The following CDKN3 variants were observed in gnomAD, a reference collection of about 807,000 sequenced individuals.
CDKN3 encodes cyclin-dependent kinase inhibitor 3.
CDKN3 carries 19 observed loss-of-function variants against 36.1 expected under a neutral mutation model. The observed-to-expected ratio is 0.53, with a 90% CI of 0.37 to 0.77. The LOEUF is 0.77. CDKN3 is among the 30% of genes least tolerant of loss of function. The pLI, the probability that CDKN3 is intolerant of heterozygous loss-of-function variation, is 0.00. For missense variants in CDKN3, 188 were observed against 248.6 expected, an observed-to-expected ratio of 0.76 and a Z score of 1.64; for synonymous variants, 71 against 85.3, an observed-to-expected ratio of 0.83 and a Z score of 0.92.
At chr14:54,397,533 A>G (rs922311718) in intron 1 of CDKN3, among the ~76,000 whole-genome samples, 1 of 152,116 alleles carries the variant, frequency 6.6e-6, no homozygotes, top group African/African-American at 2.4e-5. Context: ...GGGCGACACC[A>G]CCGCTGTCAC....
At chr14:54,413,811 G>C (rs2030439960) in intron 5 of CDKN3, 10 of 1,418,692 alleles carry the variant, frequency 7.0e-6, no homozygotes, top group Middle Eastern at 4.1e-4. Flanking sequence ...GAACAACACT[G>C]CTTGCCTACT....
At chr14:54,413,512 G>T in intron 5 of CDKN3, 1 of 882,838 alleles carries the variant, frequency 1.1e-6, no homozygotes, top group South Asian at 1.4e-5. Flanking sequence ...AGTACAAACA[G>T]GATAGACAGT....
At chr14:54,399,388 T>C (rs1186036591) in intron 1 of CDKN3, among the ~76,000 whole-genome samples, 3 of 152,226 alleles carry the variant, frequency 2.0e-5, no homozygotes, top group Non-Finnish European at 4.4e-5. Flanking sequence ...TCTTCTCTGT[T>C]CCACAGTGTA....
At chr14:54,403,147 G>A (rs2030025335) in intron 3 of CDKN3, among the ~76,000 whole-genome samples, 1 of 152,136 alleles carries the variant, frequency 6.6e-6, no homozygotes, top group Non-Finnish European at 1.5e-5. Flanking sequence ...GGGCAGTATG[G>A]CCATTTTCAT....
At chr14:54,417,415 G>A (rs1394355719) in intron 6 of CDKN3, among the ~76,000 whole-genome samples, 2 of 152,216 alleles carry the variant, frequency 1.3e-5, no homozygotes, top group East Asian at 3.8e-4. Context: ...AATATTGTAT[G>A]TTTCCGTTTA....
At chr14:54,401,795 C>T (rs2029951073) in intron 3 of CDKN3, among the ~76,000 whole-genome samples, 1 of 152,098 alleles carries the variant, frequency 6.6e-6, no homozygotes, top group Non-Finnish European at 1.5e-5. Context: ...CTGTTCCCCA[C>T]CAGCCCCCGA....
rs4251644 is a variant in CDKN3, at chr14:54,412,508, T to C, written c.416+802T>C. ...TTTGATGATATGACTGCTAACAGATTGAAAGAGGGCCTCTCATTGTGTGTC... is the reference window on the plus strand; with the variant it reads ...TTTGATGATATGACTGCTAACAGATCGAAAGAGGGCCTCTCATTGTGTGTC... On this transcript the variant is annotated intron_variant, in intron 5 of 7. Transcript: ENST00000335183. 1.4e-4 allele frequency among the ~76,000 whole-genome samples: 21 copies of C among 152,244 alleles called. No homozygotes were observed. The East Asian group carries it at 4.1e-3, about 29-fold the overall frequency.
intron 7 of CDKN3, among the ~76,000 whole-genome samples, chr14:54,418,957 G>C (rs1195061703): frequency 1.3e-5 from 2 of 152,078 alleles, no homozygotes; most frequent in Non-Finnish European, 2.9e-5. Context: ...CCAGGAGTTG[G>C]AGACCAGCCT....
At chr14:54,402,204 CAA>C (rs202192816) in intron 3 of CDKN3, among the ~76,000 whole-genome samples, 29 of 110,510 alleles carry the variant, frequency 2.6e-4, no homozygotes, top group East Asian at 2.5e-4. Flanking sequence ...GACTCTGTCT[CAA>C]AAAAAAAAAA....
chr14:54,418,397 A>C lies in CDKN3; in HGVS notation c.552+446A>C, dbSNP rs2030619950. The C allele has an allele frequency of 3.1e-6, 2 of 635,762 alleles. 1 individual carries two copies. Among genetic ancestry groups the C allele is most frequent in the South Asian group, 3.6e-5 (2 of 56,046 alleles). The allele number at this position is 635,762 out of a possible 1,614,324, so 39.4% of individuals were successfully genotyped here. A position where few individuals can be genotyped will look rare whatever the true frequency, so the allele number is the denominator to read the frequency against. On this transcript the variant is annotated intron_variant, in intron 7 of 7. Transcript: ENST00000335183. ...ATTTAATAAAGACAGATGAATGACT[A>C]TAATACAAAAAATGGAAAGCAGTGC...
At chr14:54,398,987 C>CCTTTTTTT (rs1886397204) in intron 1 of CDKN3, among the ~76,000 whole-genome samples, 1 of 109,276 alleles carries the variant, frequency 9.2e-6, no homozygotes, top group South Asian at 3.0e-4. Context: ...TTTCTTCTTC[C>CCTTTTTTT]TTTTTTTTTT....
chr14:54,397,169 C>A (rs1303025629), intron 1 of CDKN3, 92 bp downstream of exon 1: 4 of 1,325,328 alleles, frequency 3.0e-6, no homozygotes, highest in African/African-American at 1.5e-5. Flanking sequence ...GCAGCCCTAG[C>A]CTGGTAGCAG....
intron 7 of CDKN3, among the ~76,000 whole-genome samples, chr14:54,419,049 T>C (rs1318849269): frequency 6.6e-6 from 1 of 151,964 alleles, no homozygotes; most frequent in Non-Finnish European, 1.5e-5. Context: ...TCCCAGCTAC[T>C]TGGGAGCCTG....
intron 3 of CDKN3, among the ~76,000 whole-genome samples, chr14:54,405,938 G>A (rs2030139617): frequency 6.6e-6 from 1 of 152,288 alleles, no homozygotes; most frequent in South Asian, 2.1e-4. Context: ...AGCGTTGATG[G>A]TCTTTGCATT....
chr14:54,413,483 T>C (rs1202092639), intron 5 of CDKN3: 1 of 682,198 alleles, frequency 1.5e-6, no homozygotes. Flanking sequence ...GCAACCCAAA[T>C]GCTCTGATGT....
At chr14:54,405,692 G>A (rs550788418) in intron 3 of CDKN3, among the ~76,000 whole-genome samples, 1 of 152,052 alleles carries the variant, frequency 6.6e-6, no homozygotes, top group Admixed American at 6.5e-5. Flanking sequence ...CATTTGTTTG[G>A]TAAATATTTC....
rs1282655411 is a variant in CDKN3, at chr14:54,420,183, A to G, written c.*105A>G. On this transcript the variant is annotated 3_prime_UTR_variant, in exon 8 of 8. Coordinates refer to ENST00000335183, the MANE Select transcript of CDKN3 (RefSeq NM_005192.4). ...GTGTTATCAACTTGAATGTAAATGT[A>G]CATGTGCAGATATTCCTAAAGTTTT... is the stretch of plus-strand genomic sequence containing the variant. The G allele has an allele frequency of 3.2e-6, 2 of 619,812 alleles. No homozygotes were observed. The highest frequency in any genetic ancestry group is 2.8e-5 in the Admixed American group (1 of 35,516). 38.4% of individuals were successfully genotyped at this position (619,812 alleles called of 1,614,324 possible).
chr14:54,408,492 A>G (rs371713009), intron 3 of CDKN3: 1 of 371,690 alleles, frequency 2.7e-6, no homozygotes, highest in East Asian at 7.2e-5. Flanking sequence ...AGCCTGGAGT[A>G]CAAATGAGGC....
intron 3 of CDKN3, among the ~76,000 whole-genome samples, chr14:54,405,855 T>C (rs975232427): frequency 6.6e-6 from 1 of 152,240 alleles, no homozygotes; most frequent in Non-Finnish European, 1.5e-5. Context: ...TCAATATTGT[T>C]ATGTGTGAAT....
Sources: allele counts gnomAD v4.1 joint callset (sites outside exome capture counted in the v4.1 genomes callset), GRCh38; gene constraint gnomAD v4.1.1; transcripts MANE v1.5; gene names NCBI Gene and HGNC (gene_info 2026-07-23, HGNC 2026-07-21).